The following NRXN1 variants were observed in gnomAD, a reference collection of about 807,000 sequenced individuals.
The protein encoded by NRXN1 is neurexin-1.
In NRXN1, 39 loss-of-function variants were observed where a neutral mutation model predicts 150.9. That is an observed-to-expected ratio of 0.26 (90% CI 0.20 to 0.34). The LOEUF (loss-of-function observed/expected upper bound fraction) is 0.34, where lower values mean the gene tolerates loss of function less well. Ranked by LOEUF, NRXN1 falls within the 10% of genes least tolerant of loss-of-function variation. The pLI is 1.00. For missense variants in NRXN1, 1,815 were observed against 1,949.9 expected (o/e 0.93, Z 1.30); for synonymous variants, 924 against 757.0 (o/e 1.22, Z -3.62).
intron 18 of NRXN1, among the ~76,000 whole-genome samples, chr2:50,190,990 A>G (rs2152822204): frequency 6.6e-6 from 1 of 152,074 alleles, no homozygotes; most frequent in South Asian, 2.1e-4. Context: ...AGAATCACAG[A>G]AAGTTGTGAA....
intron 18 of NRXN1, among the ~76,000 whole-genome samples, chr2:50,117,808 C>T (rs896138502): frequency 6.7e-6 from 1 of 149,750 alleles, no homozygotes; most frequent in Non-Finnish European, 1.5e-5. Context: ...TAAATTTTGA[C>T]AAGAATGTGA....
intron 18 of NRXN1, among the ~76,000 whole-genome samples, chr2:50,202,524 A>C (rs1010311990): frequency 6.6e-6 from 1 of 151,036 alleles, no homozygotes; most frequent in Non-Finnish European, 1.5e-5. Flanking sequence ...AAAACAAAAC[A>C]AAAAAAAAGG....
chr2:50,691,656 G>C (rs2104882089), intron 5 of NRXN1, among the ~76,000 whole-genome samples: 1 of 152,210 alleles, frequency 6.6e-6, no homozygotes, highest in East Asian at 1.9e-4. Flanking sequence ...TCGGCAGATT[G>C]AACCAAGAAA....
At chr2:50,222,696 C>T (rs984195955) in intron 18 of NRXN1, among the ~76,000 whole-genome samples, 2 of 151,818 alleles carry the variant, frequency 1.3e-5, no homozygotes, top group Non-Finnish European at 2.9e-5. Flanking sequence ...AATATGAGAT[C>T]ATATGCTCTA....
chr2:50,534,099 G>GCA (rs10544475), intron 10 of NRXN1, among the ~76,000 whole-genome samples: 8,848 of 147,138 alleles, frequency 0.06, 333 homozygotes, highest in South Asian at 0.19. Context: ...ATCAATAATT[G>GCA]CACACACACA....
chr2:50,789,597 A>C (rs1004953228), intron 5 of NRXN1, among the ~76,000 whole-genome samples: 38 of 152,244 alleles, frequency 2.5e-4, no homozygotes, highest in African/African-American at 8.9e-4. Flanking sequence ...GCTTTGCTAC[A>C]AACTGAACAA....
intron 5 of NRXN1, among the ~76,000 whole-genome samples, chr2:50,834,756 T>G (rs1187063637): frequency 6.6e-6 from 1 of 152,162 alleles, no homozygotes; most frequent in Admixed American, 6.5e-5. Flanking sequence ...TATCTTAGAT[T>G]CCTAAGCAGG....
At chr2:50,026,714 C>G (rs1688335555) in intron 21 of NRXN1, among the ~76,000 whole-genome samples, 1 of 151,884 alleles carries the variant, frequency 6.6e-6, no homozygotes, top group South Asian at 2.1e-4. Context: ...GATTTTTTCA[C>G]TTCCTTTTTA....
chr2:49,964,607 A>C (rs1676615119), intron 21 of NRXN1, among the ~76,000 whole-genome samples: 1 of 151,992 alleles, frequency 6.6e-6, no homozygotes, highest in African/African-American at 2.4e-5. Context: ...TGGGAGGCTA[A>C]GGCAGGTGGA....
At chr2:50,670,771 T>C (rs993960399) in intron 5 of NRXN1, among the ~76,000 whole-genome samples, 1 of 151,898 alleles carries the variant, frequency 6.6e-6, no homozygotes, top group African/African-American at 2.4e-5. Context: ...TGTGCTGCTG[T>C]TTAGGTTTGT....
At chr2:50,298,473 G>A (rs540698698) in intron 17 of NRXN1, among the ~76,000 whole-genome samples, 1 of 152,074 alleles carries the variant, frequency 6.6e-6, no homozygotes, top group Non-Finnish European at 1.5e-5. Context: ...TGAAAATTCA[G>A]GCAAGTATTT....
rs181554153 is a variant in NRXN1, at chr2:50,923,675, T to C, written c.791-988A>G. Among the ~76,000 whole-genome samples, 17 of 151,978 alleles carry C rather than the reference T, an allele frequency of 1.1e-4. No individual in the cohort carries two copies. The South Asian group carries it at 1.7e-3, about 15-fold the overall frequency. ...CTATTTCTCTATCCATGTATATGTC[T>C]ACAATACGGGAAAATGTTAGAGAAA... On this transcript the variant is annotated intron_variant, in intron 3 of 22. Transcript: ENST00000401669.
chr2:50,045,233 G>C (rs535444415), intron 21 of NRXN1, among the ~76,000 whole-genome samples: 152 of 152,236 alleles, frequency 1.0e-3, no homozygotes, highest in African/African-American at 3.6e-3. Context: ...AATTAACATA[G>C]AGATTTAAAA....
chr2:50,951,014 T>G lies in NRXN1; in HGVS notation c.773-25059A>C, dbSNP rs541391433. On this transcript the variant is annotated intron_variant, in intron 2 of 22. Transcript: ENST00000401669. ...AGTGGACTGAAATTTAATCAGGGCC[T>G]CTGTTCTGACCTCAGCCAAAAAATG... Among the ~76,000 whole-genome samples, 8 of 152,338 alleles carry G rather than the reference T, an allele frequency of 5.3e-5. No individual in the cohort carries two copies. In the East Asian group the frequency reaches 1.4e-3, roughly 26 times the overall value.
chr2:50,247,348 G>C (rs1281921318), intron 17 of NRXN1, among the ~76,000 whole-genome samples: 8 of 151,994 alleles, frequency 5.3e-5, no homozygotes, highest in Non-Finnish European at 1.2e-4. Context: ...TATTTTACAG[G>C]GAAAAGCTGG....
chr2:50,942,960 C>A (rs76318873), intron 2 of NRXN1, among the ~76,000 whole-genome samples: 9 of 152,252 alleles, frequency 5.9e-5, no homozygotes, highest in Middle Eastern at 3.4e-3. Context: ...AAATTGTAAT[C>A]CCCATGTGTT....
intron 19 of NRXN1, among the ~76,000 whole-genome samples, chr2:50,069,040 C>G (rs1187312356): frequency 2.0e-5 from 3 of 152,142 alleles, no homozygotes; most frequent in African/African-American, 7.2e-5. Flanking sequence ...AAAGAAAAAG[C>G]CAACAGCCCC....
At chr2:50,535,288 C>T (rs920561471) in intron 10 of NRXN1, among the ~76,000 whole-genome samples, 1 of 152,234 alleles carries the variant, frequency 6.6e-6, no homozygotes, top group Non-Finnish European at 1.5e-5. Flanking sequence ...ATACTTCCCA[C>T]TGGGGGAGAA....
At chr2:50,590,665 C>T (rs900023984) in intron 8 of NRXN1, among the ~76,000 whole-genome samples, 4 of 152,114 alleles carry the variant, frequency 2.6e-5, no homozygotes, top group Non-Finnish European at 5.9e-5. Flanking sequence ...TTACTTCCCT[C>T]ATAAAAGAGA....
Sources: gnomAD v4.1 joint callset for allele counts (sites outside exome capture counted in the v4.1 genomes callset) on GRCh38, gnomAD v4.1.1 for gene constraint, MANE v1.5 for transcripts, NCBI Gene and HGNC (gene_info 2026-07-23, HGNC 2026-07-21) for gene names.